Variants in GALNT1 observed in about 807,000 individuals in gnomAD.
GALNT1 encodes polypeptide N-acetylgalactosaminyltransferase 1, also known as GalNAc transferase 1.
GALNT1 carries 17 observed loss-of-function variants against 65.7 expected under a neutral mutation model. The observed-to-expected ratio is 0.26, with a 90% CI of 0.18 to 0.39. The LOEUF (loss-of-function observed/expected upper bound fraction) is 0.39. Ranked by LOEUF, GALNT1 falls within the 10% of genes least tolerant of loss-of-function variation. GALNT1 has a pLI of 1.00. For missense variants in GALNT1, 460 were observed against 672.8 expected (o/e 0.68, Z 3.50); for synonymous variants, 210 against 219.7 (o/e 0.96, Z 0.39).
chr18:35,657,338 C>T (rs2144410850), intron 2 of GALNT1, among the ~76,000 whole-genome samples: 1 of 152,314 alleles, frequency 6.6e-6, no homozygotes, highest in South Asian at 2.1e-4. Flanking sequence ...AGGTGATCCA[C>T]CTGCCTCAGC....
chr18:35,591,438 A>G (rs1436368568), intron 1 of GALNT1, among the ~76,000 whole-genome samples: 1 of 152,230 alleles, frequency 6.6e-6, no homozygotes, highest in Non-Finnish European at 1.5e-5. Context: ...TAAGTGCTGT[A>G]CTTATATTAA....
At chr18:35,631,596 TATC>T (rs1230581061) in intron 1 of GALNT1, among the ~76,000 whole-genome samples, 1 of 152,102 alleles carries the variant, frequency 6.6e-6, no homozygotes, top group Non-Finnish European at 1.5e-5. Flanking sequence ...CCACAGCCAA[TATC>T]ATACTGAATG....
At chr18:35,682,675 C>G (rs2047803197) in intron 4 of GALNT1, among the ~76,000 whole-genome samples, 1 of 152,024 alleles carries the variant, frequency 6.6e-6, no homozygotes, top group African/African-American at 2.4e-5. Flanking sequence ...TGCCTGTGTC[C>G]TGAGGAGCAT....
chr18:35,641,847 CA>C lies in GALNT1; in HGVS notation c.-103-12712del, dbSNP rs1446101712. Among the ~76,000 whole-genome samples the C allele has an allele frequency of 4.6e-5, 7 of 152,060 alleles. No homozygotes were observed. The South Asian group carries it at 1.2e-3, about 27-fold the overall frequency. ...ACAACCATACGTATATACTTTAGATCAGGGGTCGGTGTGATGACTCATGAGT... is the reference window on the plus strand; with the variant it reads ...ACAACCATACGTATATACTTTAGATCGGGGTCGGTGTGATGACTCATGAGT... On this transcript the variant is annotated intron_variant, in intron 1 of 11. Coordinates refer to ENST00000269195, the MANE Select transcript of GALNT1 (RefSeq NM_020474.4).
At chr18:35,603,692 C>G (rs796858103) in intron 1 of GALNT1, among the ~76,000 whole-genome samples, 1 of 152,116 alleles carries the variant, frequency 6.6e-6, no homozygotes, top group Non-Finnish European at 1.5e-5. Flanking sequence ...CATGACTTCT[C>G]TTCTTCCCCA....
At chr18:35,706,072 G>A (rs2048253274) in intron 11 of GALNT1, among the ~76,000 whole-genome samples, 2 of 152,174 alleles carry the variant, frequency 1.3e-5, no homozygotes, top group South Asian at 4.1e-4. Flanking sequence ...CAAGTCTTTG[G>A]TTTTCTAGTC....
chr18:35,674,715 G>C (rs1192337368), intron 3 of GALNT1, among the ~76,000 whole-genome samples: 2 of 152,190 alleles, frequency 1.3e-5, no homozygotes, highest in African/African-American at 2.4e-5. Context: ...GGAGTGCAGT[G>C]GCTCACGCCT....
chr18:35,708,406 A>T (rs2048300832), intron 11 of GALNT1, among the ~76,000 whole-genome samples: 1 of 150,394 alleles, frequency 6.6e-6, no homozygotes, highest in Non-Finnish European at 1.5e-5. Context: ...CACAACACGG[A>T]AGAATAATAA....
rs574430439 is a variant in GALNT1, at chr18:35,603,959, G to T, written c.-104+22097G>T. ...CCAACTTTTAGGTTCGGGGGTACAT[G>T]TGCAGGTTTGTTACATGGGTATATT... On this transcript the variant is annotated intron_variant, in intron 1 of 11. Transcript: ENST00000269195. 2.6e-5 allele frequency among the ~76,000 whole-genome samples: 4 copies of T among 152,234 alleles called. No homozygotes were observed. In the East Asian group the frequency reaches 7.7e-4, roughly 29 times the overall value.
intron 7 of GALNT1, 39 bp from the exon 8 acceptor site, chr18:35,690,973 C>T (rs1598807458): frequency 6.7e-7 from 1 of 1,489,416 alleles, no homozygotes; most frequent in Non-Finnish European, 9.0e-7. Context: ...TTCCTGATTA[C>T]TCAGCTACAT....
At chr18:35,599,297 C>T (rs897635887) in intron 1 of GALNT1, among the ~76,000 whole-genome samples, 5 of 151,504 alleles carry the variant, frequency 3.3e-5, no homozygotes, top group African/African-American at 1.2e-4. Flanking sequence ...TTTGCCCAGA[C>T]CAATGTCCTG....
At chr18:35,686,934 A>T (rs890971604) in intron 5 of GALNT1, 82 bp from the exon 6 acceptor site, 2 of 1,322,334 alleles carry the variant, frequency 1.5e-6, no homozygotes, top group Non-Finnish European at 2.1e-6. Flanking sequence ...AAAAATAAAA[A>T]CACTTACTAT....
At chr18:35,638,849 A>G (rs2047126081) in intron 1 of GALNT1, among the ~76,000 whole-genome samples, 3 of 152,220 alleles carry the variant, frequency 2.0e-5, no homozygotes, top group African/African-American at 7.2e-5. Flanking sequence ...GTTTGGAAGA[A>G]GCTGAGTTCA....
At chr18:35,613,790 T>C (rs955766247) in intron 1 of GALNT1, among the ~76,000 whole-genome samples, 2 of 151,878 alleles carry the variant, frequency 1.3e-5, no homozygotes, top group African/African-American at 4.8e-5. Flanking sequence ...ACTGGAAGGG[T>C]AAAATAACCT....
At chr18:35,609,883 T>C (rs1406653102) in intron 1 of GALNT1, among the ~76,000 whole-genome samples, 1 of 152,326 alleles carries the variant, frequency 6.6e-6, no homozygotes, top group South Asian at 2.1e-4. Context: ...AGTTAATCCC[T>C]AGGATTTGGT....
intron 2 of GALNT1, among the ~76,000 whole-genome samples, chr18:35,662,485 G>A (rs1363746320): frequency 2.0e-5 from 3 of 152,108 alleles, no homozygotes; most frequent in Non-Finnish European, 4.4e-5. Context: ...TCTGGTATTG[G>A]TAGGTGGCTT....
chr18:35,665,956 G>A (rs2047543705), intron 3 of GALNT1, among the ~76,000 whole-genome samples: 1 of 152,160 alleles, frequency 6.6e-6, no homozygotes, highest in Admixed American at 6.5e-5. Flanking sequence ...TGGTGAGAAT[G>A]ACCAGAAGGT....
At chr18:35,624,007 CT>C (rs2046887219) in intron 1 of GALNT1, among the ~76,000 whole-genome samples, 1 of 152,136 alleles carries the variant, frequency 6.6e-6, no homozygotes, top group Admixed American at 6.5e-5. Flanking sequence ...TCAATTCTCT[CT>C]TCTCTTAACG....
chr18:35,690,992 G>T lies in GALNT1; in HGVS notation c.979-20G>T. ...TGATTACTCAGCTACATGTTACATG[G>T]TCATCTCTGCTGTTTTCAGATTTGG... On this transcript the variant is annotated intron_variant, in intron 7 of 11. Transcript: ENST00000269195. The T allele has an allele frequency of 1.9e-6, 3 of 1,556,638 alleles. No homozygotes were observed. Among genetic ancestry groups the T allele is most frequent in the Non-Finnish European group, 2.6e-6 (3 of 1,154,528 alleles).
Sources: gnomAD v4.1 joint callset for allele counts (sites outside exome capture counted in the v4.1 genomes callset) on GRCh38, gnomAD v4.1.1 for gene constraint, MANE v1.5 for transcripts, NCBI Gene and HGNC (gene_info 2026-07-23, HGNC 2026-07-21) for gene names.